RSL24D1: variants seen among roughly 807,000 people sequenced by gnomAD.
RSL24D1 encodes the protein probable ribosome biogenesis protein RLP24.
RSL24D1 carries 6 observed loss-of-function variants against 26.2 expected under a neutral mutation model. The ratio of observed to expected loss-of-function variants is 0.23; its 90% CI spans 0.13 to 0.45. The LOEUF is 0.45. Ranked by LOEUF, RSL24D1 falls within the 20% of genes least tolerant of loss-of-function variation. The pLI, the probability that RSL24D1 is intolerant of heterozygous loss-of-function variation, is 0.99. For synonymous variants in RSL24D1, 61 were observed against 59.1 expected, an observed-to-expected ratio of 1.03 and a Z score of -0.15; for missense variants, 176 against 202.6, an observed-to-expected ratio of 0.87 and a Z score of 0.80.
chr15:55,189,817 C>A (rs1332903109), intron 3 of RSL24D1, among the ~76,000 whole-genome samples: 1 of 152,172 alleles, frequency 6.6e-6, no homozygotes, highest in Non-Finnish European at 1.5e-5. Context: ...GGATGCCCTG[C>A]CTATGATCCA....
intron 3 of RSL24D1, among the ~76,000 whole-genome samples, chr15:55,190,395 AAAAC>A (rs1159731673): frequency 2.0e-5 from 3 of 148,222 alleles, no homozygotes; most frequent in African/African-American, 7.6e-5. Flanking sequence ...TCAGGGAAAA[AAAAC>A]AAAACAAAAC....
At chr15:55,183,290 T>A in intron 5 of RSL24D1, 25 bp downstream of exon 5, 1 of 1,585,602 alleles carries the variant, frequency 6.3e-7, no homozygotes, top group South Asian at 1.1e-5. Flanking sequence ...ACCACAAAAA[T>A]CTAGATGTGC....
chr15:55,184,565 A>G (rs557601746), intron 4 of RSL24D1, among the ~76,000 whole-genome samples: 6 of 152,186 alleles, frequency 3.9e-5, no homozygotes, highest in Non-Finnish European at 8.8e-5. Context: ...TTCAGGCAAG[A>G]CTCTAATGAA....
chr15:55,196,482 G>A (rs1397574123), intron 1 of RSL24D1: 7 of 555,986 alleles, frequency 1.3e-5, no homozygotes, highest in Admixed American at 2.3e-5. Flanking sequence ...CTGGATTCAA[G>A]AATTTGGCCC....
At chr15:55,194,782 A>G (rs142587305) in intron 1 of RSL24D1, among the ~76,000 whole-genome samples, 61 of 148,538 alleles carry the variant, frequency 4.1e-4, no homozygotes, top group African/African-American at 1.5e-3. Flanking sequence ...AAGCCTGGGA[A>G]ACATAGCAAG....
At chr15:55,194,186 G>C (rs1894329694) in intron 1 of RSL24D1, 1 of 152,128 alleles carries the variant, frequency 6.6e-6, no homozygotes, top group Admixed American at 6.5e-5. Context: ...ACAGAGACCT[G>C]GAACCAGAGG....
At chr15:55,190,653 A>G (rs12385963) in intron 3 of RSL24D1, among the ~76,000 whole-genome samples, 41,205 of 151,996 alleles carry the variant, frequency 0.27, 7,219 homozygotes, top group African/African-American at 0.5. Flanking sequence ...TATTTTAACC[A>G]TCCCACACTC....
chr15:55,189,193 C>CAAAA (rs11320888), intron 3 of RSL24D1, among the ~76,000 whole-genome samples: 8 of 66,494 alleles, frequency 1.2e-4, no homozygotes, highest in African/African-American at 1.4e-4. Flanking sequence ...ACTCCCATCT[C>CAAAA]AAAAAAAAAA....
intron 3 of RSL24D1, among the ~76,000 whole-genome samples, chr15:55,190,394 A>C (rs191906480): frequency 1.0e-4 from 15 of 150,584 alleles, no homozygotes; most frequent in Middle Eastern, 3.4e-3. Flanking sequence ...TTCAGGGAAA[A>C]AAAACAAAAC....
chr15:55,185,838 A>T lies in RSL24D1; in HGVS notation c.269-413T>A, dbSNP rs1420055526. ...AAAGTGCCTGGGATATGGTCAGCACATGATATTAGCAGAATGAACCAAACA... is the reference window on the plus strand; with the variant it reads ...AAAGTGCCTGGGATATGGTCAGCACTTGATATTAGCAGAATGAACCAAACA... On this transcript the variant is annotated intron_variant, in intron 3 of 5. Transcript: ENST00000260443. 2.0e-5 allele frequency among the ~76,000 whole-genome samples: 3 copies of T among 152,168 alleles called. No individual in the cohort carries two copies. The East Asian group carries it at 5.8e-4, about 29-fold the overall frequency.
At chr15:55,183,474 C>T (rs561779116) in intron 4 of RSL24D1, 74 bp from the exon 5 acceptor site, 1 of 1,058,640 alleles carries the variant, frequency 9.4e-7, no homozygotes, top group African/African-American at 1.6e-5. Flanking sequence ...CACAATACAG[C>T]TTCTAAATTT....
At position 55,181,276 on chromosome 15, in the gene RSL24D1, T is replaced by C. The variant is rs1377241759; in HGVS notation, c.*876A>G. The C allele has an allele frequency of 1.3e-5, 2 of 152,574 alleles. No individual in the cohort carries two copies. The highest frequency in any genetic ancestry group is 2.9e-5 in the Non-Finnish European group (2 of 68,042). 9.5% of individuals were successfully genotyped at this position (152,574 alleles called of 1,614,324 possible). ...CTTCTTCCAGGTCATCAATATTTCATATCTTTGTTTAGTGCCTTTAAAGAA... is the reference window on the plus strand; with the variant it reads ...CTTCTTCCAGGTCATCAATATTTCACATCTTTGTTTAGTGCCTTTAAAGAA... On this transcript the variant is annotated 3_prime_UTR_variant, in exon 6 of 6. Coordinates refer to ENST00000260443, the MANE Select transcript of RSL24D1 (RefSeq NM_016304.3).
In RSL24D1 at chr15:55,185,448, G is replaced by A. The variant is rs547448297; in HGVS notation, c.269-23C>T. On this transcript the variant is annotated intron_variant, in intron 3 of 5. Coordinates refer to ENST00000260443, the MANE Select transcript of RSL24D1 (RefSeq NM_016304.3). ...CAACTACAAAAAAATTCATGAGTTA[G>A]CAAATGTATGCACATTCAAGCGGTA... The A allele has an allele frequency of 3.9e-6, 6 of 1,557,362 alleles. No homozygotes were observed. The African/African-American group carries it at 8.2e-5, about 21-fold the overall frequency.
intron 1 of RSL24D1, chr15:55,196,301 T>A (rs1894354826): frequency 2.2e-6 from 1 of 454,818 alleles, no homozygotes; most frequent in African/African-American, 2.0e-5. Flanking sequence ...GGATCCAAGA[T>A]AAATATCACC....
intron 3 of RSL24D1, among the ~76,000 whole-genome samples, chr15:55,188,303 A>G (rs140912967): frequency 1.3e-5 from 2 of 152,372 alleles, no homozygotes; most frequent in African/African-American, 4.8e-5. Flanking sequence ...AGACTCTCAT[A>G]CTATTTACCT....
At chr15:55,194,880 G>T (rs1434365500) in intron 1 of RSL24D1, among the ~76,000 whole-genome samples, 38 of 151,542 alleles carry the variant, frequency 2.5e-4, no homozygotes, top group Non-Finnish European at 8.8e-5. Flanking sequence ...TTTTGATATT[G>T]GGCATGGTGG....
At chr15:55,186,655 A>G (rs1894227210) in intron 3 of RSL24D1, among the ~76,000 whole-genome samples, 1 of 152,228 alleles carries the variant, frequency 6.6e-6, no homozygotes, top group African/African-American at 2.4e-5. Context: ...AAGAGATTAA[A>G]GAGACATGAC....
At chr15:55,191,170 G>A in intron 2 of RSL24D1, 123 bp from the exon 3 acceptor site, 1 of 654,726 alleles carries the variant, frequency 1.5e-6, no homozygotes, top group South Asian at 2.1e-5. Flanking sequence ...TCACCCCTCA[G>A]GGTATCTCAG....
intron 3 of RSL24D1, among the ~76,000 whole-genome samples, chr15:55,189,085 C>T (rs1459602319): frequency 3.3e-5 from 5 of 150,158 alleles, no homozygotes; most frequent in African/African-American, 1.2e-4. Context: ...CCCAGCTACT[C>T]GGGAGGCTGA....
Sources: gnomAD v4.1 joint callset for allele counts (sites outside exome capture counted in the v4.1 genomes callset) on GRCh38, gnomAD v4.1.1 for gene constraint, MANE v1.5 for transcripts, NCBI Gene and HGNC (gene_info 2026-07-23, HGNC 2026-07-21) for gene names.